The following IGF2BP3 variants were observed in gnomAD, a reference collection of about 807,000 sequenced individuals.
IGF2BP3 encodes insulin like growth factor 2 mRNA binding protein 3.
In IGF2BP3, 9 loss-of-function variants were observed where a neutral mutation model predicts 73.8. The observed-to-expected ratio is 0.12, with a 90% confidence interval of 0.07 to 0.21. IGF2BP3 has a LOEUF of 0.21. Ranked by LOEUF, IGF2BP3 falls within the 10% of genes least tolerant of loss-of-function variation. The pLI is 1.00. For missense variants in IGF2BP3, 542 were observed against 714.0 expected (o/e 0.76, Z 2.75); for synonymous variants, 258 against 256.7 (o/e 1.01, Z -0.05).
intron 3 of IGF2BP3, among the ~76,000 whole-genome samples, chr7:23,417,842 C>T (rs1787236460): frequency 1.3e-5 from 2 of 152,130 alleles, no homozygotes; most frequent in South Asian, 4.1e-4. Flanking sequence ...ATTTTTAGTG[C>T]ATTATATAAC....
intron 3 of IGF2BP3, among the ~76,000 whole-genome samples, chr7:23,397,804 T>C (rs750947318): frequency 1.3e-5 from 2 of 152,206 alleles, no homozygotes; most frequent in African/African-American, 2.4e-5. Flanking sequence ...CCCAAATATA[T>C]CTACCTCCTA....
intron 3 of IGF2BP3, among the ~76,000 whole-genome samples, chr7:23,376,592 A>C (rs919762205): frequency 2.0e-5 from 3 of 150,218 alleles, no homozygotes; most frequent in African/African-American, 7.3e-5. Flanking sequence ...GAGGCTGGGC[A>C]CGGTGGCTCA....
chr7:23,320,980 A>C (rs1175485306), intron 10 of IGF2BP3, among the ~76,000 whole-genome samples: 1 of 151,798 alleles, frequency 6.6e-6, no homozygotes, highest in Non-Finnish European at 1.5e-5. Flanking sequence ...GAAAAAACAA[A>C]AAAGAAAAGA....
chr7:23,336,867 G>A (rs1411117911), intron 10 of IGF2BP3, among the ~76,000 whole-genome samples: 2 of 151,972 alleles, frequency 1.3e-5, no homozygotes, highest in African/African-American at 2.4e-5. Context: ...AGAATCACTT[G>A]AACCCAGGAT....
At chr7:23,408,550 G>A (rs947996217) in intron 3 of IGF2BP3, among the ~76,000 whole-genome samples, 2 of 152,136 alleles carry the variant, frequency 1.3e-5, no homozygotes, top group African/African-American at 2.4e-5. Context: ...GGGCACTGTT[G>A]GTAGAAATGT....
At chr7:23,392,943 A>G (rs1433097520) in intron 3 of IGF2BP3, among the ~76,000 whole-genome samples, 1 of 152,180 alleles carries the variant, frequency 6.6e-6, no homozygotes, top group Non-Finnish European at 1.5e-5. Flanking sequence ...TTTCTAATTT[A>G]AAAAATTAAA....
chr7:23,394,215 C>T (rs1031602012), intron 3 of IGF2BP3, among the ~76,000 whole-genome samples: 1 of 152,156 alleles, frequency 6.6e-6, no homozygotes, highest in African/African-American at 2.4e-5. Flanking sequence ...CTTTTTAACA[C>T]ATCTACTTTG....
At chr7:23,375,241 A>C (rs972884953) in intron 3 of IGF2BP3, among the ~76,000 whole-genome samples, 1 of 151,982 alleles carries the variant, frequency 6.6e-6, no homozygotes, top group African/African-American at 2.4e-5. Context: ...ACCCTCCCCC[A>C]CCACCCCAAT....
At chr7:23,460,525 C>T (rs1294104542) in intron 2 of IGF2BP3, among the ~76,000 whole-genome samples, 4 of 130,132 alleles carry the variant, frequency 3.1e-5, no homozygotes, top group African/African-American at 1.3e-4. Context: ...GAGTGAAACT[C>T]CATCTCAAAA....
chr7:23,319,073 C>G lies in IGF2BP3; in HGVS notation c.1320+65G>C, dbSNP rs971066927. The G allele has an allele frequency of 4.9e-6, 5 of 1,010,230 alleles. No homozygotes were observed. In the Admixed American group the frequency reaches 8.1e-5, roughly 16 times the overall value. The allele number at this position is 1,010,230 out of a possible 1,614,324, so 62.6% of individuals were successfully genotyped here. A position where few individuals can be genotyped will look rare whatever the true frequency, so the allele number is the denominator to read the frequency against. On this transcript the variant is annotated intron_variant, in intron 11 of 14. Coordinates refer to ENST00000258729, the MANE Select transcript of IGF2BP3 (RefSeq NM_006547.3). ...ACATTCTATTCAAATTATAAAGTGG[C>G]AAGAAGATTCATATTTCTGTAACTT...
chr7:23,414,618 C>G (rs910540224), intron 3 of IGF2BP3: 2 of 152,428 alleles, frequency 1.3e-5, no homozygotes, highest in Admixed American at 6.5e-5. Flanking sequence ...TTAGGGCAAA[C>G]AAAGAAAAAT....
chr7:23,441,714 A>G (rs1482303751), intron 2 of IGF2BP3, among the ~76,000 whole-genome samples: 4 of 152,044 alleles, frequency 2.6e-5, no homozygotes, highest in Non-Finnish European at 5.9e-5. Context: ...AGAGAGTGTG[A>G]AAACTCAGTC....
At chr7:23,331,770 G>T (rs531644215) in intron 10 of IGF2BP3, among the ~76,000 whole-genome samples, 1 of 150,844 alleles carries the variant, frequency 6.6e-6, no homozygotes. Context: ...TGAGGCAGGA[G>T]AACTGCTTGA....
chr7:23,467,915 G>T (rs575601193), intron 2 of IGF2BP3: 1 of 154,970 alleles, frequency 6.5e-6, no homozygotes, highest in South Asian at 2.0e-4. Flanking sequence ...GGAACCTGTA[G>T]AACTTCGGAG....
At chr7:23,433,261 A>G (rs1201649131) in intron 2 of IGF2BP3, among the ~76,000 whole-genome samples, 2 of 152,176 alleles carry the variant, frequency 1.3e-5, no homozygotes, top group African/African-American at 4.8e-5. Context: ...AGATATTTTT[A>G]AACAGTGATT....
intron 3 of IGF2BP3, among the ~76,000 whole-genome samples, chr7:23,401,159 C>T (rs937885168): frequency 6.6e-6 from 1 of 152,178 alleles, no homozygotes; most frequent in African/African-American, 2.4e-5. Flanking sequence ...TGTAACTTTT[C>T]TGCTGATACA....
chr7:23,314,773 TA>T (rs1246819337), intron 12 of IGF2BP3, among the ~76,000 whole-genome samples: 1 of 152,224 alleles, frequency 6.6e-6, no homozygotes, highest in East Asian at 1.9e-4. Context: ...TTGAATATTT[TA>T]AAGAGGCTAC....
chr7:23,399,228 G>T (rs1455029809), intron 3 of IGF2BP3, among the ~76,000 whole-genome samples: 1 of 151,866 alleles, frequency 6.6e-6, no homozygotes, highest in Non-Finnish European at 1.5e-5. Context: ...GTAGATATGT[G>T]GCATTATTTC....
chr7:23,439,326 G>A (rs1253974820), intron 2 of IGF2BP3, among the ~76,000 whole-genome samples: 1 of 151,896 alleles, frequency 6.6e-6, no homozygotes, highest in East Asian at 1.9e-4. Flanking sequence ...GCCGAGGTGG[G>A]CAGATCATGA....
Sources: gnomAD v4.1 joint callset for allele counts (sites outside exome capture counted in the v4.1 genomes callset) on GRCh38, gnomAD v4.1.1 for gene constraint, MANE v1.5 for transcripts, NCBI Gene and HGNC (gene_info 2026-07-23, HGNC 2026-07-21) for gene names.